The following CFAP92 variants were observed in gnomAD, a reference collection of about 807,000 sequenced individuals.
CFAP92 encodes the protein cilia and flagella associated protein 92 (putative).
A neutral mutation model predicts 106.3 loss-of-function variants in CFAP92; 86 were observed. The ratio of observed to expected loss-of-function variants is 0.81; its 90% CI spans 0.68 to 0.97. The LOEUF (loss-of-function observed/expected upper bound fraction) is 0.97, where lower values mean the gene tolerates loss of function less well. Among genes scored for constraint, CFAP92 ranks in the 50% least tolerant of loss-of-function variants. The pLI is 0.00. For synonymous variants in CFAP92, 477 were observed against 506.4 expected (o/e 0.94, Z 0.78); for missense variants, 1,204 against 1,283.8 (o/e 0.94, Z 0.95).
At chr3:128,999,153 C>T (rs1944589865) in intron 1 of CFAP92, among the ~76,000 whole-genome samples, 1 of 152,208 alleles carries the variant, frequency 6.6e-6, no homozygotes, top group Non-Finnish European at 1.5e-5. Flanking sequence ...CTCTCTCCCA[C>T]ACAGACACAC....
rs1940164470 is a variant in CFAP92, at chr3:128,945,828, A to C, written c.1501T>G (p.Tyr501Asp). 1.3e-6 allele frequency: 2 copies of C among 1,518,792 alleles called. No individual in the cohort carries two copies. Among genetic ancestry groups the C allele is most frequent in the Non-Finnish European group, 1.8e-6 (2 of 1,139,254 alleles). The allele number at this position is 1,518,792 out of a possible 1,614,324, so 94.1% of individuals were successfully genotyped here. A position where few individuals can be genotyped will look rare whatever the true frequency, so the allele number is the denominator to read the frequency against. ...GALHPSDLRE[Y>D]LEGPPMVVEV... ...ACCACCATGGGGGGGCCCTCCAGGTATTCCCTTAGGTCACTGGGGTGCAGT... is the reference window on the plus strand; with the variant it reads ...ACCACCATGGGGGGGCCCTCCAGGTCTTCCCTTAGGTCACTGGGGTGCAGT... Residue 501 changes from tyrosine (Y) to aspartate (D), a missense_variant, in exon 10 of 16, where the codon TAC becomes GAC. Transcript: ENST00000645291.
the CFAP92 span, among the ~76,000 whole-genome samples, chr3:129,018,680 CA>C: frequency 3.9e-5 from 6 of 152,324 alleles, no homozygotes; most frequent in Admixed American, 6.5e-5. Context: ...GGGGACTGGG[CA>C]GGGGCAGGGA....
At chr3:128,993,878 C>T in intron 1 of CFAP92, 102 bp downstream of exon 1, 1 of 889,730 alleles carries the variant, frequency 1.1e-6, no homozygotes, top group Non-Finnish European at 1.4e-6. Context: ...CGGGCAAACG[C>T]CGAAGAGGGA....
chr3:129,001,990 G>A (rs1181557249), intron 1 of CFAP92: 4 of 1,545,796 alleles, frequency 2.6e-6, no homozygotes, highest in Non-Finnish European at 2.6e-6. Flanking sequence ...GCCACGGACG[G>A]GGACTCAGAT....
chr3:128,965,303 CTT>C (rs975891517), intron 9 of CFAP92, among the ~76,000 whole-genome samples: 7 of 152,044 alleles, frequency 4.6e-5, no homozygotes, highest in African/African-American at 1.7e-4. Flanking sequence ...TGCTGACTCT[CTT>C]TTCGGACTCA....
chr3:128,921,840 T>C (rs1056446338), intron 12 of CFAP92, among the ~76,000 whole-genome samples: 5 of 152,092 alleles, frequency 3.3e-5, no homozygotes, highest in Non-Finnish European at 7.4e-5. Context: ...ATACAACAAT[T>C]GTCTCCCACC....
At chr3:128,911,652 A>G (rs1395670993) in intron 15 of CFAP92, among the ~76,000 whole-genome samples, 1 of 149,334 alleles carries the variant, frequency 6.7e-6, no homozygotes. Context: ...ATGTTGGCCA[A>G]GCTGGTCTCC....
At chr3:128,929,474 A>C (rs77912733) in intron 12 of CFAP92, among the ~76,000 whole-genome samples, 1 of 152,218 alleles carries the variant, frequency 6.6e-6, no homozygotes, top group Non-Finnish European at 1.5e-5. Context: ...TTTGTATGCA[A>C]ATGTTTATAG....
chr3:128,993,560 C>T (rs1285405715), intron 1 of CFAP92: 3 of 540,510 alleles, frequency 5.6e-6, no homozygotes, highest in Non-Finnish European at 1.0e-5. Context: ...TGGCAGTAAG[C>T]ACGACGACGA....
At chr3:128,921,508 C>T (rs1273420473) in intron 12 of CFAP92, among the ~76,000 whole-genome samples, 2 of 152,220 alleles carry the variant, frequency 1.3e-5, no homozygotes, top group African/African-American at 4.8e-5. Context: ...TTACATAAGG[C>T]TAATCTTTTA....
At chr3:128,943,981 A>G (rs1939947538) in intron 10 of CFAP92, among the ~76,000 whole-genome samples, 1 of 133,362 alleles carries the variant, frequency 7.5e-6, no homozygotes, top group Admixed American at 7.9e-5. Context: ...CCAGGCTGGA[A>G]TTCAGTGGCG....
intron 10 of CFAP92, among the ~76,000 whole-genome samples, chr3:128,936,757 TTC>T (rs1203951653): frequency 7.9e-5 from 12 of 152,168 alleles, no homozygotes; most frequent in Admixed American, 7.2e-4. Flanking sequence ...ACCTCCAACC[TTC>T]TGTTTTTCAG....
At chr3:129,004,572 G>A (rs1346381063), upstream of CFAP92, among the ~76,000 whole-genome samples, 2 of 139,760 alleles carry the variant, frequency 1.4e-5, no homozygotes, top group African/African-American at 5.4e-5. Flanking sequence ...CCATCCTCCT[G>A]TTCATCCACA....
chr3:128,977,926 T>A (rs1943262640), intron 5 of CFAP92, 119 bp downstream of exon 5: 11 of 1,313,230 alleles, frequency 8.4e-6, no homozygotes, highest in Non-Finnish European at 1.1e-6. Flanking sequence ...CCCGCCCGCC[T>A]CTGCTGCCAA....
chr3:128,940,393 T>A (rs1478991062), intron 10 of CFAP92, among the ~76,000 whole-genome samples: 1 of 152,196 alleles, frequency 6.6e-6, no homozygotes, highest in African/African-American at 2.4e-5. Flanking sequence ...TTTAATCACT[T>A]GAGGAACTGC....
At chr3:128,993,445 G>C (rs1302603811) in intron 1 of CFAP92, 109 bp from the exon 2 acceptor site, 1 of 1,184,282 alleles carries the variant, frequency 8.4e-7, no homozygotes, top group East Asian at 2.6e-5. Context: ...TGCTTCCCCC[G>C]CCTGCTCCTA....
At chr3:128,910,824 T>C in intron 15 of CFAP92, 1 of 1,614,006 alleles carries the variant, frequency 6.2e-7, no homozygotes, top group East Asian at 2.2e-5. Context: ...GTGAGTGGCA[T>C]GTCTTGGGGG....
At chr3:128,988,320 G>A (rs1034217106) in intron 3 of CFAP92, among the ~76,000 whole-genome samples, 31 of 152,168 alleles carry the variant, frequency 2.0e-4, no homozygotes, top group African/African-American at 7.2e-4. Flanking sequence ...GCGGGAGGAT[G>A]ACTTGAGGTC....
intron 9 of CFAP92, among the ~76,000 whole-genome samples, chr3:128,951,595 C>T (rs1940812648): frequency 6.6e-6 from 1 of 152,130 alleles, no homozygotes; most frequent in South Asian, 2.1e-4. Flanking sequence ...CTCATATATT[C>T]CGGACTGAGT....
Sources: allele counts gnomAD v4.1 joint callset (sites outside exome capture counted in the v4.1 genomes callset), GRCh38; gene constraint gnomAD v4.1.1; transcripts MANE v1.5; gene names NCBI Gene and HGNC (gene_info 2026-07-23, HGNC 2026-07-21).